Variants in SLC6A7 observed in about 807,000 individuals in gnomAD.
The protein encoded by SLC6A7 is solute carrier family 6 member 7.
Under a neutral mutation model 73.1 loss-of-function variants are expected in SLC6A7, and 58 were observed. The ratio of observed to expected loss-of-function variants is 0.79; its 90% confidence interval spans 0.64 to 0.99. The LOEUF (loss-of-function observed/expected upper bound fraction) is 0.99, where lower values mean the gene tolerates loss of function less well. Among genes scored for constraint, SLC6A7 ranks in the 50% least tolerant of loss-of-function variants. The pLI, the probability that SLC6A7 is intolerant of heterozygous loss-of-function variation, is 0.00. For missense variants in SLC6A7, 783 were observed against 831.4 expected (o/e 0.94, Z 0.72); for synonymous variants, 338 against 338.7 (o/e 1.00, Z 0.02).
At chr5:150,199,196 C>A in intron 4 of SLC6A7, 32 bp from the exon 5 acceptor site, 1 of 1,556,356 alleles carries the variant, frequency 6.4e-7, no homozygotes. Context: ...GGTGGGGTGA[C>A]CAGGGGACAC....
intron 1 of SLC6A7, among the ~76,000 whole-genome samples, chr5:150,191,719 T>C (rs747518464): frequency 4.6e-5 from 7 of 152,118 alleles, no homozygotes; most frequent in Admixed American, 2.6e-4. Context: ...TGTGAGTCAC[T>C]GCGCCCAGCT....
At chr5:150,209,256 G>A (rs1016854181) in intron 13 of SLC6A7, 150 bp from the exon 14 acceptor site, 6 of 671,190 alleles carry the variant, frequency 8.9e-6, no homozygotes, top group African/African-American at 1.8e-5. Flanking sequence ...CCCTGGGGAA[G>A]TCATAGTGCC....
At chr5:150,209,023 GC>G (rs1562106154) in intron 13 of SLC6A7, among the ~76,000 whole-genome samples, 1 of 152,208 alleles carries the variant, frequency 6.6e-6, no homozygotes, top group African/African-American at 2.4e-5. Flanking sequence ...GGAGGGGCCC[GC>G]CGCGTAATTA....
rs1310005590 is a variant in SLC6A7, at chr5:150,190,085, A to C, written c.-243A>C. ...CCGTCAGCTGTCTGTCTGGGTGTCT[A>C]TGCGGGCGCAGCAGTGCACCCTTCC... On this transcript the variant is annotated 5_prime_UTR_variant, in exon 1 of 14. It removes an upstream start codon present in the reference 5' UTR. Coordinates refer to ENST00000230671, the MANE Select transcript of SLC6A7 (RefSeq NM_014228.5). The C allele has an allele frequency of 1.7e-5, 7 of 413,482 alleles. No homozygotes were observed. In the East Asian group the frequency reaches 2.8e-4, roughly 17 times the overall value. 25.6% of individuals were successfully genotyped at this position (413,482 alleles called of 1,614,324 possible). A position where few individuals can be genotyped will look rare whatever the true frequency, so the allele number is the denominator to read the frequency against.
chr5:150,202,054 A>G (rs1753410172), intron 6 of SLC6A7, among the ~76,000 whole-genome samples: 3 of 152,216 alleles, frequency 2.0e-5, no homozygotes, highest in Non-Finnish European at 4.4e-5. Flanking sequence ...TCTCCTGCAC[A>G]CTTTACATTA....
chr5:150,202,645 C>T lies in SLC6A7; in HGVS notation c.1029C>T (p.Ser343=), dbSNP rs146367975. ...TCCTGGCTGGCTTTGCCATCTTCTC[C>T]GTGCTGGGCTACATGTCTCAGGAGC... ...TSILAGFAIF[S]VLGYMSQELG... Residue 343 remains serine (S), a synonymous_variant, in exon 8 of 14, where the codon TCC becomes TCT. Coordinates refer to ENST00000230671, the MANE Select transcript of SLC6A7 (RefSeq NM_014228.5). 58 of 1,614,226 alleles carry T rather than the reference C, an allele frequency of 3.6e-5. No individual in the cohort carries two copies. The South Asian group carries it at 4.3e-4, about 12-fold the overall frequency.
At chr5:150,202,501 G>C (rs532722049) in intron 7 of SLC6A7, 51 bp downstream of exon 7, 1 of 1,610,778 alleles carries the variant, frequency 6.2e-7, no homozygotes, top group East Asian at 2.2e-5. Flanking sequence ...AGGGAGGAGA[G>C]TGGCTGGCCA....
At chr5:150,203,809 C>T (rs1312824317) in intron 9 of SLC6A7, 30 bp downstream of exon 9, 12 of 1,468,302 alleles carry the variant, frequency 8.2e-6, no homozygotes, top group South Asian at 2.3e-5. Flanking sequence ...GCAGGCACCC[C>T]GTGTGTGTGT....
chr5:150,197,880 T>C (rs1179481721), intron 4 of SLC6A7, among the ~76,000 whole-genome samples: 2 of 152,046 alleles, frequency 1.3e-5, no homozygotes, highest in Admixed American at 1.3e-4. Context: ...GTCATCAGAA[T>C]TAAACAACAT....
In SLC6A7 at chr5:150,210,749, G is replaced by T. The variant is rs1357409076; in HGVS notation, c.*1134G>T. The T allele has an allele frequency of 6.6e-6, 1 of 152,454 alleles. No individual in the cohort carries two copies. Among genetic ancestry groups the T allele is most frequent in the Non-Finnish European group, 1.5e-5 (1 of 68,154 alleles). The allele number at this position is 152,454 out of a possible 1,614,324, so 9.4% of individuals were successfully genotyped here. A position where few individuals can be genotyped will look rare whatever the true frequency, so the allele number is the denominator to read the frequency against. On this transcript the variant is annotated 3_prime_UTR_variant, in exon 14 of 14. Coordinates refer to ENST00000230671, the MANE Select transcript of SLC6A7 (RefSeq NM_014228.5). ...ATTGTTGGTGACAGGGCAACCATGG[G>T]ACTAGGAGGTGGCCCATACACATGG... is the stretch of plus-strand genomic sequence containing the variant.
intron 4 of SLC6A7, among the ~76,000 whole-genome samples, chr5:150,198,116 A>AAAGAGG: frequency 1.2e-5 from 1 of 85,136 alleles, no homozygotes; most frequent in East Asian, 3.1e-4. Context: ...AGAAAGAAAG[A>AAAGAGG]GAAAGAAAGA....
chr5:150,208,010 T>C (rs1356721446), intron 13 of SLC6A7, among the ~76,000 whole-genome samples: 1 of 151,682 alleles, frequency 6.6e-6, no homozygotes, highest in Admixed American at 6.6e-5. Context: ...CAACCTTCCA[T>C]GCGCAGGACA....
chr5:150,194,410 C>T (rs1045262435), intron 1 of SLC6A7, among the ~76,000 whole-genome samples: 1 of 143,598 alleles, frequency 7.0e-6, no homozygotes, highest in African/African-American at 2.6e-5. Context: ...GGCTGGGCAA[C>T]AGAGGGAGAC....
intron 2 of SLC6A7, 92 bp from the exon 3 acceptor site, chr5:150,196,624 G>A: frequency 8.1e-7 from 1 of 1,236,008 alleles, no homozygotes; most frequent in African/African-American, 1.5e-5. Context: ...GGTCTGAGGG[G>A]GCATCTGCAG....
intron 11 of SLC6A7, 94 bp downstream of exon 11, chr5:150,204,725 A>G (rs1753589644): frequency 1.5e-6 from 2 of 1,346,578 alleles, no homozygotes; most frequent in African/African-American, 2.9e-5. Flanking sequence ...CCCTGGTCCC[A>G]AGGGCCAGGG....
At chr5:150,206,478 G>A (rs1355084761) in intron 13 of SLC6A7, among the ~76,000 whole-genome samples, 1 of 152,156 alleles carries the variant, frequency 6.6e-6, no homozygotes, top group African/African-American at 2.4e-5. Flanking sequence ...GCTACAAAGC[G>A]GGCCTCCCTT....
chr5:150,209,157 C>G (rs1753839917), intron 13 of SLC6A7, among the ~76,000 whole-genome samples: 1 of 152,242 alleles, frequency 6.6e-6, no homozygotes, highest in Non-Finnish European at 1.5e-5. Flanking sequence ...GACCAGGAAG[C>G]AGAGCACCCA....
intron 12 of SLC6A7, 84 bp from the exon 13 acceptor site, chr5:150,205,372 G>A (rs1312439466): frequency 3.4e-6 from 4 of 1,169,946 alleles, no homozygotes; most frequent in African/African-American, 1.6e-5. Context: ...CTCAGGCCTT[G>A]GGCTGGCACT....
chr5:150,206,964 G>A (rs1444880117), intron 13 of SLC6A7, among the ~76,000 whole-genome samples: 2 of 152,172 alleles, frequency 1.3e-5, no homozygotes, highest in Admixed American at 6.5e-5. Context: ...TGGGGGGCTC[G>A]AGAGCTGTGG....
Sources: gnomAD v4.1 joint callset for allele counts (sites outside exome capture counted in the v4.1 genomes callset) on GRCh38, gnomAD v4.1.1 for gene constraint, MANE v1.5 for transcripts, NCBI Gene and HGNC (gene_info 2026-07-23, HGNC 2026-07-21) for gene names.